Variants in SRFBP1 observed in about 807,000 individuals in gnomAD.
SRFBP1 encodes the protein serum response factor-binding protein 1.
Under a neutral mutation model 45.5 loss-of-function variants are expected in SRFBP1, and 47 were observed. The ratio of observed to expected loss-of-function variants is 1.03; its 90% CI spans 0.82 to 1.32. SRFBP1 has a LOEUF of 1.32. Ranked by LOEUF, SRFBP1 falls within the 40% of genes most tolerant of loss-of-function variation. SRFBP1 has a pLI of 0.00. For missense variants in SRFBP1, 621 were observed against 484.6 expected (o/e 1.28, Z -2.64); for synonymous variants, 203 against 166.3 (o/e 1.22, Z -1.70).
At position 122,027,034 on chromosome 5, in the gene SRFBP1, C is replaced by G. The variant is rs201043561; in HGVS notation, c.1198C>G (p.Leu400Val). 6.8e-6 allele frequency: 11 copies of G among 1,612,886 alleles called. No homozygotes were observed. The African/African-American group carries it at 1.5e-4, about 22-fold the overall frequency. The change falls in exon 8 of 8, where the codon CTT becomes GTT. Residue 400 changes from leucine to valine, a missense_variant. Physicochemically the swap from Leu to Val is conservative, Grantham distance 32. Coordinates refer to ENST00000339397, the MANE Select transcript of SRFBP1 (RefSeq NM_152546.3). ...ENTKQQLQLP[L>V]HPSWEASRRR... ...TACAAAACAGCAATTGCAGCTGCCTCTTCATCCTTCATGGGAAGCAAGCAG... is the reference window on the plus strand; with the variant it reads ...TACAAAACAGCAATTGCAGCTGCCTGTTCATCCTTCATGGGAAGCAAGCAG...
chr5:122,036,902 T>C (rs1753702346), intron 2 of SRFBP1, among the ~76,000 whole-genome samples: 1 of 151,880 alleles, frequency 6.6e-6, no homozygotes, highest in Non-Finnish European at 1.5e-5. Flanking sequence ...AGTTTTTTTT[T>C]TTTTTTTAAG....
chr5:122,074,130 C>G lies in SRFBP1; in HGVS notation n.312-1185C>G, dbSNP rs201494622. On this transcript the variant is annotated intron_variant and non_coding_transcript_variant, in intron 2 of 2. Coordinates refer to the SRFBP1 transcript ENST00000504881. The stretch of plus-strand genomic sequence containing the variant: ...CTCTCCTCTGGGTGTTGGCATCAAG[C>G]AGGTCATAGTGGCTAAACTCATCCA... 9.3e-6 allele frequency: 15 copies of G among 1,613,994 alleles called. No homozygotes were observed. Among genetic ancestry groups the G allele is most frequent in the Non-Finnish European group, 1.3e-5 (15 of 1,179,986 alleles).
At chr5:122,002,347 CATTA>C (rs1160746400) in intron 4 of SRFBP1, among the ~76,000 whole-genome samples, 1 of 152,170 alleles carries the variant, frequency 6.6e-6, no homozygotes, top group Non-Finnish European at 1.5e-5. Flanking sequence ...TGATTTTCCT[CATTA>C]ATTATGACAA....
intron 2 of SRFBP1, among the ~76,000 whole-genome samples, chr5:122,050,838 A>T (rs1180935871): frequency 6.6e-6 from 1 of 151,642 alleles, no homozygotes; most frequent in African/African-American, 2.4e-5. Context: ...TCCAGTTGTA[A>T]TGTTAGGTTG....
chr5:122,049,779 G>A (rs930260169), intron 2 of SRFBP1, among the ~76,000 whole-genome samples: 5 of 152,042 alleles, frequency 3.3e-5, no homozygotes, highest in Admixed American at 6.5e-5. Context: ...ATGACTACTC[G>A]GTACATAACG....
At position 122,012,073 on chromosome 5, in the gene SRFBP1, C is replaced by T. The variant is rs78778180; in HGVS notation, c.271-7187C>T. Among the ~76,000 whole-genome samples, 596 of 152,136 alleles carry T rather than the reference C, an allele frequency of 3.9e-3. 14 individuals are homozygous for T. In the East Asian group the frequency reaches 0.048, roughly 12 times the overall value. On this transcript the variant is annotated intron_variant, in intron 4 of 7. Coordinates refer to ENST00000339397, the MANE Select transcript of SRFBP1 (RefSeq NM_152546.3). ...TTGAAAACTTGTTGAGAATACTAGACCGAATTCAGAAAACAGATTTTGAGT... is the reference window on the plus strand; with the variant it reads ...TTGAAAACTTGTTGAGAATACTAGATCGAATTCAGAAAACAGATTTTGAGT...
chr5:121,974,111 A>G (rs1304926636), intron 1 of SRFBP1, 85 bp from the exon 2 acceptor site: 2 of 876,912 alleles, frequency 2.3e-6, no homozygotes, highest in Non-Finnish European at 3.7e-6. Context: ...TGGTAGACTA[A>G]GTCTCAAATA....
intron 4 of SRFBP1, among the ~76,000 whole-genome samples, chr5:121,999,170 C>T (rs2112681529): frequency 6.6e-6 from 1 of 152,214 alleles, no homozygotes; most frequent in Non-Finnish European, 1.5e-5. Context: ...TTTTGTTATG[C>T]TGTATTTTCT....
chr5:122,017,592 C>T (rs1176473518), intron 4 of SRFBP1, among the ~76,000 whole-genome samples: 8 of 152,084 alleles, frequency 5.3e-5, no homozygotes, highest in South Asian at 2.1e-4. Flanking sequence ...TGAGGGGACG[C>T]GATTCAACCT....
At chr5:122,008,681 G>A (rs564345666) in intron 4 of SRFBP1, among the ~76,000 whole-genome samples, 1 of 151,532 alleles carries the variant, frequency 6.6e-6, no homozygotes, top group East Asian at 1.9e-4. Flanking sequence ...TGTGTAGATA[G>A]TCATTCAAAT....
chr5:121,985,365 G>A (rs1192466845), intron 3 of SRFBP1, among the ~76,000 whole-genome samples: 1 of 151,466 alleles, frequency 6.6e-6, no homozygotes, highest in Non-Finnish European at 1.5e-5. Flanking sequence ...TGTAAAGGAA[G>A]TATGTGTAGA....
At chr5:121,967,177 A>G (rs1752089785) in intron 1 of SRFBP1, among the ~76,000 whole-genome samples, 1 of 152,194 alleles carries the variant, frequency 6.6e-6, no homozygotes, top group South Asian at 2.1e-4. Flanking sequence ...GGTAGAAACT[A>G]AAGTGCCAAA....
chr5:121,975,929 T>G (rs1340244170), intron 3 of SRFBP1, among the ~76,000 whole-genome samples: 6 of 151,998 alleles, frequency 3.9e-5, no homozygotes, highest in African/African-American at 1.4e-4. Flanking sequence ...TAGGTCTTCT[T>G]GCTGCTCTTA....
intron 7 of SRFBP1, among the ~76,000 whole-genome samples, chr5:122,024,827 A>G (rs1753443010): frequency 1.3e-5 from 2 of 152,220 alleles, no homozygotes; most frequent in African/African-American, 2.4e-5. Context: ...TTGTATGCTT[A>G]AAATATTTAC....
chr5:122,046,382 G>T (rs894255298), intron 2 of SRFBP1, among the ~76,000 whole-genome samples: 10 of 152,010 alleles, frequency 6.6e-5, no homozygotes, highest in African/African-American at 4.8e-5. Context: ...GAACTCATCA[G>T]TTTTTATGGC....
intron 3 of SRFBP1, among the ~76,000 whole-genome samples, chr5:121,987,069 T>C (rs1282874431): frequency 6.6e-6 from 1 of 152,154 alleles, no homozygotes; most frequent in Non-Finnish European, 1.5e-5. Flanking sequence ...ATAATGGGCC[T>C]TGGAGTTACT....
chr5:121,976,376 T>G (rs537587299), intron 3 of SRFBP1, among the ~76,000 whole-genome samples: 6 of 152,048 alleles, frequency 3.9e-5, no homozygotes, highest in Non-Finnish European at 7.4e-5. Flanking sequence ...AATTCCCTTT[T>G]TATTCAGTCC....
intron 4 of SRFBP1, among the ~76,000 whole-genome samples, chr5:121,997,997 A>T (rs1752768175): frequency 6.6e-6 from 1 of 151,882 alleles, no homozygotes; most frequent in Admixed American, 6.6e-5. Context: ...AATGGCAATC[A>T]TTAAAAAGTC....
intron 1 of SRFBP1, among the ~76,000 whole-genome samples, chr5:121,971,784 AAAG>A (rs1319261390): frequency 6.6e-6 from 1 of 152,028 alleles, no homozygotes; most frequent in Non-Finnish European, 1.5e-5. Context: ...AGTAGAAAGG[AAAG>A]AAGAAAACTA....
Sources: gnomAD v4.1 joint callset for allele counts (sites outside exome capture counted in the v4.1 genomes callset) on GRCh38, gnomAD v4.1.1 for gene constraint, MANE v1.5 for transcripts, NCBI Gene and HGNC (gene_info 2026-07-23, HGNC 2026-07-21) for gene names.